The following NXPH1 variants were observed in gnomAD, a reference collection of about 807,000 sequenced individuals.
NXPH1 encodes neurexophilin 1, also known as neurexophilin-1.
In NXPH1, 5 loss-of-function variants were observed where a neutral mutation model predicts 23.7. The observed-to-expected ratio is 0.21, with a 90% confidence interval of 0.11 to 0.44. The LOEUF is 0.44. Among genes scored for constraint, NXPH1 ranks in the 20% least tolerant of loss-of-function variants. NXPH1 has a pLI of 0.99. For synonymous variants in NXPH1, 144 were observed against 122.2 expected (o/e 1.18, Z -1.18); for missense variants, 324 against 321.6 (o/e 1.01, Z -0.06).
At chr7:8,469,103 T>G (rs1203165297) in intron 2 of NXPH1, among the ~76,000 whole-genome samples, 1 of 151,992 alleles carries the variant, frequency 6.6e-6, no homozygotes, top group Non-Finnish European at 1.5e-5. Flanking sequence ...AAAGAAATAT[T>G]AAAATGTAGA....
intron 2 of NXPH1, among the ~76,000 whole-genome samples, chr7:8,637,587 T>C (rs1320199730): frequency 6.6e-6 from 1 of 152,140 alleles, no homozygotes; most frequent in Non-Finnish European, 1.5e-5. Flanking sequence ...ATTAACCTGC[T>C]TTTACATGAT....
intron 2 of NXPH1, among the ~76,000 whole-genome samples, chr7:8,669,084 C>T (rs1453474947): frequency 6.6e-6 from 1 of 152,162 alleles, no homozygotes; most frequent in Non-Finnish European, 1.5e-5. Flanking sequence ...GAGTATGTTC[C>T]AGCCAATAAA....
intron 2 of NXPH1, among the ~76,000 whole-genome samples, chr7:8,471,719 T>C (rs1816875693): frequency 6.6e-6 from 1 of 152,188 alleles, no homozygotes; most frequent in South Asian, 2.1e-4. Context: ...AAAATCTTTG[T>C]GAAGGTTTTT....
At chr7:8,649,163 A>C (rs1316230700) in intron 2 of NXPH1, among the ~76,000 whole-genome samples, 1 of 152,168 alleles carries the variant, frequency 6.6e-6, no homozygotes, top group South Asian at 2.1e-4. Context: ...TTACAAAAAG[A>C]TGAAAGTCTG....
chr7:8,700,508 G>A (rs1779608914), intron 2 of NXPH1, among the ~76,000 whole-genome samples: 1 of 152,042 alleles, frequency 6.6e-6, no homozygotes, highest in Non-Finnish European at 1.5e-5. Flanking sequence ...GCTTCTAACG[G>A]CCTATTATAG....
chr7:8,452,073 G>C (rs145014977), intron 2 of NXPH1, among the ~76,000 whole-genome samples: 1 of 152,130 alleles, frequency 6.6e-6, no homozygotes, highest in Non-Finnish European at 1.5e-5. Flanking sequence ...CAGATGTCCC[G>C]CGGTTTGCAT....
intron 2 of NXPH1, among the ~76,000 whole-genome samples, chr7:8,512,466 C>G (rs1490399317): frequency 6.6e-6 from 1 of 152,078 alleles, no homozygotes; most frequent in African/African-American, 2.4e-5. Flanking sequence ...GGGGACAATA[C>G]TGTGGCTCAT....
At chr7:8,672,058 G>A (rs151190620) in intron 2 of NXPH1, among the ~76,000 whole-genome samples, 3,009 of 151,962 alleles carry the variant, frequency 0.02, 51 homozygotes, top group Middle Eastern at 0.048. Context: ...TTGCCTGTTC[G>A]CTCTGATGGT....
At chr7:8,655,437 T>TGA (rs1820561621) in intron 2 of NXPH1, among the ~76,000 whole-genome samples, 1 of 66,868 alleles carries the variant, frequency 1.5e-5, no homozygotes, top group African/African-American at 4.8e-5. Flanking sequence ...TCTCTCTCTC[T>TGA]CTCTCTCTCT....
chr7:8,618,619 A>T (rs774003260), intron 2 of NXPH1, among the ~76,000 whole-genome samples: 3 of 152,120 alleles, frequency 2.0e-5, no homozygotes, highest in Non-Finnish European at 2.9e-5. Flanking sequence ...CTTAAATTTC[A>T]CTTGCAAACT....
At chr7:8,584,009 A>T (rs931060536) in intron 2 of NXPH1, among the ~76,000 whole-genome samples, 7 of 152,208 alleles carry the variant, frequency 4.6e-5, no homozygotes, top group African/African-American at 1.7e-4. Context: ...GTTCTCCCAA[A>T]CTATTAATAA....
At chr7:8,718,894 A>G (rs1779920079) in intron 2 of NXPH1, among the ~76,000 whole-genome samples, 3 of 152,190 alleles carry the variant, frequency 2.0e-5, no homozygotes, top group Admixed American at 2.0e-4. Context: ...ACAGCTTTCT[A>G]CCTAACTGTA....
In NXPH1 at chr7:8,535,252, G is replaced by A. The variant is rs190797203; in HGVS notation, c.54+99485G>A. ...ATAGCTAGATGCCTGTCACGTTTAG[G>A]TTTGTACCAACAAAAAAAAGGAAAC... On this transcript the variant is annotated intron_variant, in intron 2 of 2. Transcript: ENST00000405863. Among the ~76,000 whole-genome samples the A allele has an allele frequency of 3.0e-4, 45 of 152,108 alleles. 1 individual carries two copies. Among genetic ancestry groups the A allele is most frequent in the Admixed American group, 2.6e-3 (39 of 15,258 alleles).
chr7:8,519,450 C>T (rs1273745429), intron 2 of NXPH1, among the ~76,000 whole-genome samples: 1 of 152,100 alleles, frequency 6.6e-6, no homozygotes, highest in Non-Finnish European at 1.5e-5. Flanking sequence ...ATTAAAAATG[C>T]TATTTTGTTT....
chr7:8,630,728 C>T (rs1820107902), intron 2 of NXPH1, among the ~76,000 whole-genome samples: 1 of 152,126 alleles, frequency 6.6e-6, no homozygotes, highest in African/African-American at 2.4e-5. Flanking sequence ...CATAATTTGA[C>T]TTCACTTTAT....
At chr7:8,529,946 G>A (rs1292882735) in intron 2 of NXPH1, among the ~76,000 whole-genome samples, 1 of 152,158 alleles carries the variant, frequency 6.6e-6, no homozygotes, top group Non-Finnish European at 1.5e-5. Context: ...TGTTAATTAT[G>A]CTAATCATTC....
At chr7:8,542,899 A>G (rs1431290215) in intron 2 of NXPH1, among the ~76,000 whole-genome samples, 1 of 151,626 alleles carries the variant, frequency 6.6e-6, no homozygotes, top group African/African-American at 2.4e-5. Context: ...CTTTGGATAA[A>G]TGGAAGGAAT....
intron 2 of NXPH1, among the ~76,000 whole-genome samples, chr7:8,515,399 T>C (rs984332060): frequency 9.2e-5 from 14 of 152,266 alleles, no homozygotes; most frequent in Admixed American, 9.2e-4. Flanking sequence ...TCTCCTGCCA[T>C]GGATTCCTGG....
chr7:8,589,205 T>TTAA (rs1819040565), intron 2 of NXPH1, among the ~76,000 whole-genome samples: 1 of 152,102 alleles, frequency 6.6e-6, no homozygotes, highest in Non-Finnish European at 1.5e-5. Context: ...TGGTGACTAA[T>TTAA]CTTAAAGTAT....
Sources: gnomAD v4.1 joint callset for allele counts (sites outside exome capture counted in the v4.1 genomes callset) on GRCh38, gnomAD v4.1.1 for gene constraint, MANE v1.5 for transcripts, NCBI Gene and HGNC (gene_info 2026-07-23, HGNC 2026-07-21) for gene names.